Variants in HIVEP3 observed in about 807,000 individuals in gnomAD.
HIVEP3 encodes the protein transcription factor HIVEP3.
A neutral mutation model predicts 152.8 loss-of-function variants in HIVEP3; 49 were observed. The observed-to-expected ratio is 0.32, with a 90% CI of 0.26 to 0.41. HIVEP3 has a LOEUF of 0.41. HIVEP3 is among the 10% of genes least tolerant of loss of function. HIVEP3 has a pLI of 1.00. For missense variants in HIVEP3, 2,790 were observed against 3,103.3 expected (o/e 0.90, Z 2.40); for synonymous variants, 1,269 against 1,289.0 (o/e 0.98, Z 0.33).
intron 5 of HIVEP3, among the ~76,000 whole-genome samples, chr1:41,527,036 TCA>T (rs1300026140): frequency 2.8e-4 from 2 of 7,202 alleles, no homozygotes; most frequent in Non-Finnish European, 5.5e-4. Flanking sequence ...CCCCCCACCC[TCA>T]CACACCCTCT....
chr1:41,958,090 C>T (rs895459961), intron 1 of HIVEP3, among the ~76,000 whole-genome samples: 10 of 152,224 alleles, frequency 6.6e-5, no homozygotes, highest in African/African-American at 2.4e-4. Context: ...AAACACAAAA[C>T]GTCTCATCTA....
intron 3 of HIVEP3, among the ~76,000 whole-genome samples, chr1:41,623,432 G>T (rs1243201877): frequency 6.6e-6 from 1 of 152,168 alleles, no homozygotes; most frequent in Non-Finnish European, 1.5e-5. Context: ...AACAAACAGG[G>T]CTATGTAAAT....
chr1:41,621,300 G>T lies in HIVEP3; in HGVS notation c.-522+7449C>A, dbSNP rs1645043723. On this transcript the variant is annotated intron_variant, in intron 3 of 8. Coordinates refer to ENST00000372583, the MANE Select transcript of HIVEP3 (RefSeq NM_024503.5). The stretch of plus-strand genomic sequence containing the variant: ...TTTTAAAGAAACTCAAGGTAATTCT[G>T]TTATGGGAGGGTATGTGGACACACA... 2.6e-5 allele frequency among the ~76,000 whole-genome samples: 4 copies of T among 152,354 alleles called. No individual in the cohort carries two copies. The South Asian group carries it at 8.3e-4, about 32-fold the overall frequency.
chr1:41,691,750 T>C (rs1019855937), intron 2 of HIVEP3, among the ~76,000 whole-genome samples: 4 of 152,242 alleles, frequency 2.6e-5, no homozygotes, highest in African/African-American at 7.2e-5. Flanking sequence ...GAAGACACTA[T>C]CTTTTTAGAT....
intron 1 of HIVEP3, among the ~76,000 whole-genome samples, chr1:41,887,565 G>A (rs1644366552): frequency 1.3e-5 from 2 of 152,166 alleles, no homozygotes; most frequent in Non-Finnish European, 2.9e-5. Context: ...AGGGCAGCCT[G>A]GGCTACAAGG....
intron 4 of HIVEP3, among the ~76,000 whole-genome samples, chr1:41,577,622 A>C (rs1644346352): frequency 6.6e-6 from 1 of 152,242 alleles, no homozygotes; most frequent in Non-Finnish European, 1.5e-5. Context: ...GGGGTGTCCT[A>C]GACCTGCATG....
At chr1:41,970,721 C>G (rs931791859) in intron 1 of HIVEP3, among the ~76,000 whole-genome samples, 1 of 152,098 alleles carries the variant, frequency 6.6e-6, no homozygotes, top group African/African-American at 2.4e-5. Context: ...GGAAGATGAG[C>G]TCATTACGGT....
intron 2 of HIVEP3, among the ~76,000 whole-genome samples, chr1:41,631,892 A>G (rs1446018291): frequency 6.6e-6 from 1 of 151,948 alleles, no homozygotes; most frequent in Non-Finnish European, 1.5e-5. Flanking sequence ...TACAAACACA[A>G]TCTACAGTTT....
chr1:41,530,899 G>A (rs1021392478), intron 5 of HIVEP3, among the ~76,000 whole-genome samples: 3 of 152,230 alleles, frequency 2.0e-5, no homozygotes, highest in Non-Finnish European at 2.9e-5. Flanking sequence ...CAAGGTTGGT[G>A]CCTTGACTTG....
In HIVEP3 at chr1:41,510,078, T is replaced by C. The variant is rs191498495; in HGVS notation, c.*373A>G. 61 of 184,634 alleles carry C rather than the reference T, an allele frequency of 3.3e-4. No homozygotes were observed. The East Asian group carries it at 7.1e-3, about 21-fold the overall frequency. The allele number at this position is 184,634 out of a possible 1,614,324, so 11.4% of individuals were successfully genotyped here. A position where few individuals can be genotyped will look rare whatever the true frequency, so the allele number is the denominator to read the frequency against. ...TTGTTTGAAGTTTCCTTTTCCTTTC[T>C]CCCTCAGTGTACCCCTTTCCCTCTG... is the stretch of plus-strand genomic sequence containing the variant. On this transcript the variant is annotated 3_prime_UTR_variant, in exon 9 of 9. Transcript: ENST00000372583.
chr1:41,619,407 TTA>T (rs1475195131), intron 3 of HIVEP3, among the ~76,000 whole-genome samples: 4 of 152,232 alleles, frequency 2.6e-5, no homozygotes, highest in African/African-American at 9.6e-5. Flanking sequence ...TTACATACAC[TTA>T]TGTTTTTAAG....
At position 41,595,441 on chromosome 1, in the gene HIVEP3, ATTG is replaced by A. The variant is rs1448584630; in HGVS notation, c.-521-10126_-521-10124del. 1.4e-4 allele frequency among the ~76,000 whole-genome samples: 21 copies of A among 152,074 alleles called. No homozygotes were observed. In the East Asian group the frequency reaches 3.3e-3, roughly 24 times the overall value. On this transcript the variant is annotated intron_variant, in intron 3 of 8. Coordinates refer to ENST00000372583, the MANE Select transcript of HIVEP3 (RefSeq NM_024503.5). The stretch of plus-strand genomic sequence containing the variant: ...CACTTTGAACTCTCTGCCTTTACAC[ATTG>A]TTGTTCCTGGTGGGACATGCCGAGA...
In HIVEP3 at chr1:41,628,838, C is replaced by T. The variant is rs1468962992; in HGVS notation, c.-611G>A. ...TCATGTCCACTCCTACGGCAGCCAC[C>T]CTCCACCTAGGCGCCGCTCTTCCCA... On this transcript the variant is annotated 5_prime_UTR_variant, in exon 3 of 9. Coordinates refer to ENST00000372583, the MANE Select transcript of HIVEP3 (RefSeq NM_024503.5). 2 of 1,231,874 alleles carry T rather than the reference C, an allele frequency of 1.6e-6. No individual in the cohort carries two copies. The highest frequency in any genetic ancestry group is 2.0e-6 in the Non-Finnish European group (2 of 987,894). 76.3% of individuals were successfully genotyped at this position (1,231,874 alleles called of 1,614,324 possible). A position where few individuals can be genotyped will look rare whatever the true frequency, so the allele number is the denominator to read the frequency against.
At chr1:41,975,607 T>A (rs1057331862) in intron 1 of HIVEP3, among the ~76,000 whole-genome samples, 1 of 152,272 alleles carries the variant, frequency 6.6e-6, no homozygotes, top group African/African-American at 2.4e-5. Flanking sequence ...ACAATTTTTA[T>A]AGTTCATTCA....
Position 41,989,161 on chromosome 1 carries a change from A to C in HIVEP3, n.119+46646T>G, listed in dbSNP as rs544032864. On this transcript the variant is annotated intron_variant and non_coding_transcript_variant, in intron 1 of 3. Coordinates refer to the HIVEP3 transcript ENST00000489103. ...ATCTACTGTACAATATGGTGGTTAT[A>C]GTTAATAACAACGTATTATACACTT... Among the ~76,000 whole-genome samples, 3 of 152,338 alleles carry C rather than the reference A, an allele frequency of 2.0e-5. No individual in the cohort carries two copies. In the South Asian group the frequency reaches 6.2e-4, roughly 32 times the overall value.
intron 5 of HIVEP3, among the ~76,000 whole-genome samples, chr1:41,561,058 ACT>A (rs1417262982): frequency 6.6e-6 from 1 of 151,866 alleles, no homozygotes; most frequent in Non-Finnish European, 1.5e-5. Context: ...TTTTCGGTAG[ACT>A]CTCTCTGAGC....
chr1:41,849,913 A>T (rs2124380818), intron 1 of HIVEP3, among the ~76,000 whole-genome samples: 1 of 151,592 alleles, frequency 6.6e-6, no homozygotes, highest in South Asian at 2.1e-4. Flanking sequence ...CTGGTCTCAA[A>T]CTCCTGACCT....
chr1:41,744,062 C>T lies in HIVEP3; in HGVS notation c.-800-43067G>A, dbSNP rs1196153056. Reference sequence around the variant, plus strand: ...GCATTTTTTTGTTTTTTTTTTGAGACGGAGTCTCACTCTGTCGCCGATGCT... The same window carrying T: ...GCATTTTTTTGTTTTTTTTTTGAGATGGAGTCTCACTCTGTCGCCGATGCT... On this transcript the variant is annotated intron_variant, in intron 1 of 8. Coordinates refer to ENST00000372583, the MANE Select transcript of HIVEP3 (RefSeq NM_024503.5). 3.3e-5 allele frequency among the ~76,000 whole-genome samples: 5 copies of T among 151,130 alleles called. 1 individual carries two copies. In the South Asian group the frequency reaches 6.2e-4, roughly 19 times the overall value.
chr1:41,670,718 T>A (rs977993242), intron 2 of HIVEP3, among the ~76,000 whole-genome samples: 3 of 152,116 alleles, frequency 2.0e-5, no homozygotes, highest in African/African-American at 7.2e-5. Context: ...TCAGCCTCAT[T>A]GAGAAGGTGG....
Sources: gnomAD v4.1 joint callset for allele counts (sites outside exome capture counted in the v4.1 genomes callset) on GRCh38, gnomAD v4.1.1 for gene constraint, MANE v1.5 for transcripts, NCBI Gene and HGNC (gene_info 2026-07-23, HGNC 2026-07-21) for gene names.